The following PLXDC2 variants were observed in gnomAD, a reference collection of about 807,000 sequenced individuals.
PLXDC2 encodes the protein plexin domain-containing protein 2.
Under a neutral mutation model 68.9 loss-of-function variants are expected in PLXDC2, and 40 were observed. That is an observed-to-expected ratio of 0.58 (90% CI 0.45 to 0.76). The LOEUF is 0.76. PLXDC2 is among the 30% of genes least tolerant of loss of function. The pLI is 0.00. For synonymous variants in PLXDC2, 243 were observed against 234.2 expected (o/e 1.04, Z -0.34); for missense variants, 644 against 661.9 (o/e 0.97, Z 0.30).
chr10:19,873,238 C>A (rs1180339432), intron 1 of PLXDC2, among the ~76,000 whole-genome samples: 1 of 152,070 alleles, frequency 6.6e-6, no homozygotes, highest in Non-Finnish European at 1.5e-5. Flanking sequence ...AAACAAAACT[C>A]TTCTATGGGA....
chr10:20,048,335 T>C (rs908951710), intron 3 of PLXDC2, among the ~76,000 whole-genome samples: 3 of 152,076 alleles, frequency 2.0e-5, no homozygotes, highest in Non-Finnish European at 4.4e-5. Context: ...GAGAAGCAAA[T>C]GAAGTAGCTG....
At chr10:20,074,055 T>C (rs999366499) in intron 4 of PLXDC2, among the ~76,000 whole-genome samples, 1 of 152,064 alleles carries the variant, frequency 6.6e-6, no homozygotes, top group Non-Finnish European at 1.5e-5. Flanking sequence ...CCCCAGAATG[T>C]AAGTATGTAG....
chr10:20,277,864 T>C (rs1222808706), intron 13 of PLXDC2, among the ~76,000 whole-genome samples: 3 of 152,194 alleles, frequency 2.0e-5, no homozygotes, highest in African/African-American at 4.8e-5. Flanking sequence ...TAGCCTCTGG[T>C]AACTATCCTT....
intron 9 of PLXDC2, among the ~76,000 whole-genome samples, chr10:20,185,907 A>G (rs1834676144): frequency 6.6e-6 from 1 of 151,940 alleles, no homozygotes. Flanking sequence ...CTAATTTCAG[A>G]TAGACATTTA....
intron 4 of PLXDC2, among the ~76,000 whole-genome samples, chr10:20,086,817 G>C (rs1173929204): frequency 1.3e-5 from 2 of 152,174 alleles, no homozygotes; most frequent in Non-Finnish European, 2.9e-5. Context: ...CGCCTAAGCA[G>C]TTAACTTCAA....
intron 12 of PLXDC2, among the ~76,000 whole-genome samples, chr10:20,244,084 G>GA (rs915578577): frequency 1.7e-4 from 25 of 144,046 alleles, no homozygotes; most frequent in Admixed American, 2.8e-4. Context: ...AACAAAGAAA[G>GA]AAAAAAAAAA....
At chr10:19,976,589 C>A (rs1200330871) in intron 1 of PLXDC2, among the ~76,000 whole-genome samples, 1 of 152,146 alleles carries the variant, frequency 6.6e-6, no homozygotes, top group African/African-American at 2.4e-5. Flanking sequence ...TAGCTGCCAT[C>A]AGCGTACAAA....
chr10:20,219,428 T>C (rs940494331), intron 12 of PLXDC2, among the ~76,000 whole-genome samples: 1 of 152,196 alleles, frequency 6.6e-6, no homozygotes, highest in Non-Finnish European at 1.5e-5. Flanking sequence ...GGTATTGGGT[T>C]CAATTGTGTT....
At chr10:20,007,890 C>T (rs906506864) in intron 2 of PLXDC2, among the ~76,000 whole-genome samples, 19 of 152,214 alleles carry the variant, frequency 1.2e-4, no homozygotes, top group African/African-American at 4.6e-4. Flanking sequence ...ATTCTGGTAC[C>T]TAATTAAAAA....
chr10:19,837,409 A>AGTGT (rs3043789), intron 1 of PLXDC2, among the ~76,000 whole-genome samples: 13 of 82,596 alleles, frequency 1.6e-4, no homozygotes, highest in African/African-American at 2.4e-4. Flanking sequence ...AGAGAGAGAG[A>AGTGT]GTGTGTGTGT....
chr10:20,084,179 G>A (rs1408814287), intron 4 of PLXDC2, among the ~76,000 whole-genome samples: 1 of 152,194 alleles, frequency 6.6e-6, no homozygotes, highest in African/African-American at 2.4e-5. Context: ...AAATGGGTAA[G>A]GCCAAGACTG....
chr10:20,005,818 AT>A (rs1835018237), intron 2 of PLXDC2, among the ~76,000 whole-genome samples: 1 of 152,146 alleles, frequency 6.6e-6, no homozygotes, highest in Non-Finnish European at 1.5e-5. Context: ...CAACACTGGG[AT>A]TACATTTCCA....
At chr10:19,821,098 A>G (rs549789938) in intron 1 of PLXDC2, among the ~76,000 whole-genome samples, 1 of 152,304 alleles carries the variant, frequency 6.6e-6, no homozygotes, top group East Asian at 1.9e-4. Flanking sequence ...TAAAAATAAA[A>G]ATAAGTAAAC....
In PLXDC2 at chr10:20,116,139, T is replaced by C. The variant is rs146063260; in HGVS notation, c.542-27156T>C. On this transcript the variant is annotated intron_variant, in intron 4 of 13. Coordinates refer to ENST00000377252, the MANE Select transcript of PLXDC2 (RefSeq NM_032812.9). ...TCAATCACAAAAGACCTTGCATGCC[T>C]TCCTGCAGTCCCCTTTCAGAAGTGC... Among the ~76,000 whole-genome samples, 587 of 152,342 alleles carry C rather than the reference T, an allele frequency of 3.9e-3. 1 individual carries two copies. The highest frequency in any genetic ancestry group is 6.3e-3 in the Non-Finnish European group (428 of 68,030).
At chr10:20,217,655 C>T (rs1835158550) in intron 11 of PLXDC2, 79 bp downstream of exon 11, 1 of 1,390,844 alleles carries the variant, frequency 7.2e-7, no homozygotes, top group Non-Finnish European at 9.3e-7. Context: ...ACTGTGTTGA[C>T]ATGTACTGGA....
At chr10:20,018,888 A>G (rs188838292) in intron 2 of PLXDC2, among the ~76,000 whole-genome samples, 1 of 152,304 alleles carries the variant, frequency 6.6e-6, no homozygotes, top group East Asian at 1.9e-4. Flanking sequence ...TGAACACCAC[A>G]TATGTGGATC....
chr10:20,175,063 T>G (rs540746897), intron 7 of PLXDC2, among the ~76,000 whole-genome samples: 2 of 152,238 alleles, frequency 1.3e-5, no homozygotes, highest in South Asian at 4.1e-4. Context: ...AGGATTGTAG[T>G]GTGATTTCAG....
intron 10 of PLXDC2, among the ~76,000 whole-genome samples, chr10:20,212,039 C>T (rs924503816): frequency 6.6e-6 from 1 of 151,840 alleles, no homozygotes; most frequent in Non-Finnish European, 1.5e-5. Flanking sequence ...ACAGTGCCTG[C>T]ACTGTCACTA....
chr10:20,004,404 G>A (rs1834991209), intron 2 of PLXDC2, among the ~76,000 whole-genome samples: 1 of 152,120 alleles, frequency 6.6e-6, no homozygotes, highest in Non-Finnish European at 1.5e-5. Flanking sequence ...CAATGATGAT[G>A]TTATAGCAAC....
Sources: allele counts gnomAD v4.1 joint callset (sites outside exome capture counted in the v4.1 genomes callset), GRCh38; gene constraint gnomAD v4.1.1; transcripts MANE v1.5; gene names NCBI Gene and HGNC (gene_info 2026-07-23, HGNC 2026-07-21).